Variants in PRPF39 observed in about 807,000 individuals in gnomAD.
PRPF39 encodes the protein pre-mRNA processing factor 39.
PRPF39 carries 27 observed loss-of-function variants against 82.1 expected under a neutral mutation model. That is an observed-to-expected ratio of 0.33 (90% CI 0.24 to 0.45). PRPF39 has a LOEUF of 0.45. PRPF39 is among the 20% of genes least tolerant of loss of function. The pLI, the probability that PRPF39 is intolerant of heterozygous loss-of-function variation, is 1.00. For missense variants in PRPF39, 581 were observed against 796.9 expected (o/e 0.73, Z 3.26); for synonymous variants, 261 against 256.4 (o/e 1.02, Z -0.17).
At chr14:45,102,370 G>A (rs1327002718) in intron 4 of PRPF39, among the ~76,000 whole-genome samples, 159 bp from the exon 5 acceptor site, 1 of 152,136 alleles carries the variant, frequency 6.6e-6, no homozygotes, top group African/African-American at 2.4e-5. Context: ...AGCAGCTGTT[G>A]TATGCTTTCT....
intron 1 of PRPF39, among the ~76,000 whole-genome samples, chr14:45,091,028 A>T (rs79059197): frequency 0.098 from 14,896 of 151,706 alleles, 975 homozygotes; most frequent in African/African-American, 0.18. Flanking sequence ...TAGGAAAAAA[A>T]TAGTTTCATA....
intron 5 of PRPF39, among the ~76,000 whole-genome samples, chr14:45,105,229 GA>G: frequency 6.6e-6 from 1 of 151,854 alleles, no homozygotes; most frequent in Non-Finnish European, 1.5e-5. Context: ...CTGTTTTAAA[GA>G]AGTTGTTACA....
At chr14:45,111,377 T>C (rs1322509761) in intron 10 of PRPF39, among the ~76,000 whole-genome samples, 1 of 152,074 alleles carries the variant, frequency 6.6e-6, no homozygotes, top group Non-Finnish European at 1.5e-5. Context: ...GTCTGTCGCC[T>C]AAGCTGGAGT....
intron 1 of PRPF39, among the ~76,000 whole-genome samples, chr14:45,089,851 T>C (rs1375709754): frequency 2.0e-5 from 3 of 152,234 alleles, no homozygotes; most frequent in East Asian, 1.9e-4. Context: ...AAAATAACTT[T>C]AGTGTATTCT....
intron 1 of PRPF39, among the ~76,000 whole-genome samples, chr14:45,086,846 GTTTTTTT>G (rs57666854): frequency 1.2e-4 from 14 of 118,462 alleles, no homozygotes; most frequent in South Asian, 2.9e-4. Flanking sequence ...GTGTTTCTCA[GTTTTTTT>G]TTTTTTTTTT....
At chr14:45,104,836 A>G (rs1467369675) in intron 5 of PRPF39, among the ~76,000 whole-genome samples, 1 of 152,130 alleles carries the variant, frequency 6.6e-6, no homozygotes, top group African/African-American at 2.4e-5. Flanking sequence ...GTGTTGTTTT[A>G]TATCTTTATG....
In PRPF39 at chr14:45,110,245, C is replaced by A. The variant is rs1432364129; in HGVS notation, c.1303+25C>A. 16 of 1,610,580 alleles carry A rather than the reference C, an allele frequency of 9.9e-6. No homozygotes were observed. Among genetic ancestry groups the A allele is most frequent in the Admixed American group, 1.7e-5 (1 of 59,670 alleles). On this transcript the variant is annotated intron_variant, in intron 9 of 13. Transcript: ENST00000355765. The surrounding 1 kb of genome is among the most constrained non-coding windows in gnomAD (Gnocchi z 4.0). ...GGTAAGAGTGGAGAAATTCAGTTGA[C>A]ATTTTTGAGATTTTAAGTTATTTCA...
chr14:45,102,607 A>T lies in PRPF39; in HGVS notation c.648A>T (p.Glu216Asp). ...TGTGGGAAATGTATATAAACTGGGA[A>T]AATGAGCAGGGAAACCTGAGAGAAG... ...DRLWEMYINWENEQGNLREVT... is the reference protein window; with the variant it reads ...DRLWEMYINWDNEQGNLREVT... The change falls in exon 5 of 14, where the codon GAA (glutamate) becomes GAT (aspartate). Residue 216 changes from glutamate (E) to aspartate (D), a missense_variant. By Grantham distance (45) the Glu-to-Asp change is conservative. Transcript: ENST00000355765. 6.2e-7 allele frequency: 1 copy of T among 1,611,858 alleles called. No homozygotes were observed. Among genetic ancestry groups the T allele is most frequent in the Non-Finnish European group, 8.5e-7 (1 of 1,178,392 alleles).
chr14:45,095,289 C>G lies in PRPF39; in HGVS notation c.50C>G (p.Thr17Arg). ...TACAGAAATTCTAGTAATGGCAGCA[C>G]AGGCAACAGTTCAGAGGTAGTGGTA... Reference protein sequence around the residue: ...DEYRNSSNGSTGNSSEVVVEH... With the variant: ...DEYRNSSNGSRGNSSEVVVEH... The change falls in exon 2 of 14, where the codon ACA becomes AGA. Residue 17 changes from threonine to arginine, a missense_variant. Transcript: ENST00000355765. 1 of 1,611,094 alleles carries G rather than the reference C, an allele frequency of 6.2e-7. No individual in the cohort carries two copies. Among genetic ancestry groups the G allele is most frequent in the South Asian group, 1.1e-5 (1 of 90,802 alleles).
Position 45,095,440 on chromosome 14 carries a change from A to G in PRPF39, c.201A>G (p.Pro67=), listed in dbSNP as rs776770976. 1.2e-5 allele frequency: 20 copies of G among 1,613,936 alleles called. No homozygotes were observed. The South Asian group carries it at 1.5e-4, about 12-fold the overall frequency. The change falls in exon 2 of 14, where the codon CCA becomes CCG. Residue 67 remains proline, a synonymous_variant. Transcript: ENST00000355765. ...ETEMASAVDL[P]VTLTETEANF... is the part of the protein sequence containing the mutation. ...AAATGGCAAGTGCTGTGGACCTTCC[A>G]GTGACGCTGACAGAAACAGAAGCAA...
intron 1 of PRPF39, among the ~76,000 whole-genome samples, chr14:45,086,370 A>G (rs1319441927): frequency 6.6e-6 from 1 of 152,280 alleles, no homozygotes; most frequent in Non-Finnish European, 1.5e-5. Context: ...AGTGAAAGGT[A>G]TGATAAATGT....
At chr14:45,112,825 A>G (rs1884733015) in intron 11 of PRPF39, among the ~76,000 whole-genome samples, 1 of 152,214 alleles carries the variant, frequency 6.6e-6, no homozygotes, top group African/African-American at 2.4e-5. Flanking sequence ...CTGAAACCCA[A>G]ATATTTAATA....
chr14:45,089,646 A>G (rs897321173), intron 1 of PRPF39, among the ~76,000 whole-genome samples: 1 of 152,102 alleles, frequency 6.6e-6, no homozygotes, highest in Admixed American at 6.5e-5. Flanking sequence ...CTCATGGGTG[A>G]TCGGCCTACT....
chr14:45,103,985 C>T (rs575150901), intron 5 of PRPF39, among the ~76,000 whole-genome samples: 1 of 152,092 alleles, frequency 6.6e-6, no homozygotes, highest in Admixed American at 6.6e-5. Flanking sequence ...ACTTAATCCT[C>T]CCAGTAACCC....
chr14:45,114,301 G>T, intron 12 of PRPF39, 44 bp downstream of exon 12: 1 of 1,456,796 alleles, frequency 6.9e-7, no homozygotes, highest in Non-Finnish European at 9.4e-7. Context: ...CTTCATTATG[G>T]AAATGCCTTC....
intron 1 of PRPF39, among the ~76,000 whole-genome samples, chr14:45,091,288 A>G (rs893050095): frequency 1.3e-5 from 2 of 152,116 alleles, no homozygotes; most frequent in Non-Finnish European, 2.9e-5. Flanking sequence ...CTATAGGCAC[A>G]CACCACTGTG....
intron 4 of PRPF39, 113 bp from the exon 5 acceptor site, chr14:45,102,416 G>A (rs1177843615): frequency 1.2e-6 from 1 of 848,906 alleles, no homozygotes; most frequent in African/African-American, 1.7e-5. Flanking sequence ...TACTTGCATA[G>A]GAAGCAGTTG....
intron 1 of PRPF39, among the ~76,000 whole-genome samples, chr14:45,086,758 T>G (rs1261564703): frequency 2.0e-5 from 3 of 152,156 alleles, no homozygotes; most frequent in Non-Finnish European, 4.4e-5. Context: ...CAATTTAATT[T>G]TTTTTTCCTT....
intron 2 of PRPF39, 179 bp downstream of exon 2, chr14:45,095,742 TAG>T (rs1333485986): frequency 2.2e-5 from 18 of 816,066 alleles, no homozygotes; most frequent in Admixed American, 1.3e-4. Flanking sequence ...TTGTATGTTG[TAG>T]AGAGTCAGTA....
Sources: allele counts gnomAD v4.1 joint callset (sites outside exome capture counted in the v4.1 genomes callset), GRCh38; gene constraint gnomAD v4.1.1; non-coding constraint Gnocchi (gnomAD v3.1); transcripts MANE v1.5; gene names NCBI Gene and HGNC (gene_info 2026-07-23, HGNC 2026-07-21).